The following GAA variants were observed in gnomAD, a reference collection of about 807,000 sequenced individuals.
GAA encodes alpha glucosidase.
Under a neutral mutation model 103.9 loss-of-function variants are expected in GAA, and 88 were observed. The ratio of observed to expected loss-of-function variants is 0.85; its 90% CI spans 0.71 to 1.01. The LOEUF (loss-of-function observed/expected upper bound fraction) is 1.01, where lower values mean the gene tolerates loss of function less well. GAA is among the 50% of genes least tolerant of loss of function. The pLI is 0.00. For synonymous variants in GAA, 572 were observed against 563.1 expected, an observed-to-expected ratio of 1.02 and a Z score of -0.22; for missense variants, 1,350 against 1,305.3, an observed-to-expected ratio of 1.03 and a Z score of -0.53.
chr17:80,118,274 G>A lies in GAA; in HGVS notation c.2563G>A (p.Gly855Arg), dbSNP rs1341804179. ...VALTKGGEAR[G>R]ELFWDDGESL... The stretch of plus-strand genomic sequence containing the variant: ...CCTGACCAAGGGTGGGGAGGCCCGA[G>A]GGGAGCTGTTCTGGGACGATGGAGA... The change falls in exon 18 of 20, where the codon GGG becomes AGG. Residue 855 changes from glycine to arginine, a missense_variant. Physicochemically the swap from Gly to Arg is moderately radical, Grantham distance 125. Transcript: ENST00000302262. 1 of 1,608,516 alleles carries A rather than the reference G, an allele frequency of 6.2e-7. No homozygotes were observed. Among genetic ancestry groups the A allele is most frequent in the Non-Finnish European group, 8.5e-7 (1 of 1,177,020 alleles).
At chr17:80,109,241 G>T (rs975522569) in intron 8 of GAA, among the ~76,000 whole-genome samples, 3 of 152,152 alleles carry the variant, frequency 2.0e-5, no homozygotes, top group Admixed American at 2.0e-4. Flanking sequence ...TGGAAAGGAC[G>T]GCGTGAGTGA....
At position 80,108,605 on chromosome 17, in the gene GAA, CT is replaced by C. The variant is rs1057517286; in HGVS notation, c.1193del (p.Leu398ArgfsTer42). ...VENMTRAHFPLDVQWNDLDYM... is the reference protein window; with the variant it reads ...VENMTRAHFPXDVQWNDLDYM... ...GAACATGACCAGGGCCCACTTCCCC[CT>C]GGTGAGTTGGGGTGGTGGCAGGGGA... On this transcript the variant is annotated frameshift_variant and splice_region_variant, in exon 7 of 20. Coordinates refer to ENST00000302262, the MANE Select transcript of GAA (RefSeq NM_000152.5). LOFTEE classifies it high-confidence loss of function. 6.2e-7 allele frequency: 1 copy of C among 1,612,834 alleles called. No homozygotes were observed. The highest frequency in any genetic ancestry group is 8.5e-7 in the Non-Finnish European group (1 of 1,179,926).
Position 80,112,896 on chromosome 17 carries a change from C to A in GAA, c.1909C>A (p.Leu637Met), listed in dbSNP as rs763301606. 9 of 1,610,100 alleles carry A rather than the reference C, an allele frequency of 5.6e-6. No individual in the cohort carries two copies. The Admixed American group carries it at 1.5e-4, about 27-fold the overall frequency. The change falls in exon 14 of 20, where the codon CTG (leucine) becomes ATG (methionine). Residue 637 changes from leucine to methionine, a missense_variant. Transcript: ENST00000302262. ...CCCAGAAATCCTGCAGTTTAACCTG[C>A]TGGGGGTGCCTCTGGTCGGGGCCGA... ...SVPEILQFNL[L>M]GVPLVGADVC...
chr17:80,105,438 C>A (rs2143831830), intron 2 of GAA, among the ~76,000 whole-genome samples: 1 of 152,292 alleles, frequency 6.6e-6, no homozygotes, highest in East Asian at 1.9e-4. Context: ...TTGCAGATAC[C>A]CCAGGCATGA....
Position 80,113,331 on chromosome 17 carries a change from C to G in GAA, c.2154C>G (p.Val718=), listed in dbSNP as rs1800311. The change falls in exon 15 of 20, where the codon GTC becomes GTG. Residue 718 remains valine (V), a synonymous_variant. Coordinates refer to ENST00000302262, the MANE Select transcript of GAA (RefSeq NM_000152.5). ...ACACACTGTTCCACCAGGCCCACGT[C>G]GCGGGGGAGACCGTGGCCCGGCCCC... ...HLYTLFHQAH[V]AGETVARPLF... is the part of the protein sequence containing the mutation. 5 of 1,595,560 alleles carry G rather than the reference C, an allele frequency of 3.1e-6. No homozygotes were observed. The highest frequency in any genetic ancestry group is 3.3e-4 in the Middle Eastern group (2 of 6,054).
At chr17:80,117,859 C>A in intron 17 of GAA, 110 bp downstream of exon 17, 1 of 1,141,614 alleles carries the variant, frequency 8.8e-7, no homozygotes, top group Non-Finnish European at 1.2e-6. Context: ...TGAGGGGCCG[C>A]CCCCCGCAGT....
At position 80,112,072 on chromosome 17, in the gene GAA, G is replaced by A. The variant is rs1800307; in HGVS notation, c.1726G>A (p.Gly576Ser). 8.3e-3 allele frequency: 13,467 copies of A among 1,613,972 alleles called. 806 individuals carry two copies. In the East Asian group the frequency reaches 0.17, roughly 20 times the overall value. Residue 576 changes from glycine (G) to serine (S), a missense_variant, in exon 12 of 20, where the codon GGC (glycine) becomes AGC (serine). Physicochemically the swap from Gly to Ser is moderately conservative, Grantham distance 56. Coordinates refer to ENST00000302262, the MANE Select transcript of GAA (RefSeq NM_000152.5). The part of the protein sequence containing the change: ...STHYNLHNLY[G>S]LTEAIASHRA... Reference sequence around the variant, plus strand: ...ACACTACAACCTGCACAACCTCTACGGCCTGACCGAAGCCATCGCCTCCCA... The same window carrying A: ...ACACTACAACCTGCACAACCTCTACAGCCTGACCGAAGCCATCGCCTCCCA...
Position 80,118,324 on chromosome 17 carries a change from G to A in GAA, c.2613G>A (p.Gly871=). ...DGESLEVLER[G]AYTQVIFLAR... is the part of the protein sequence containing the mutation. ...AGAGCCTGGAAGTGCTGGAGCGAGG[G>A]GCCTACACACAGGTCATCTTCCTGG... Residue 871 remains glycine, a synonymous_variant, in exon 18 of 20, where the codon GGG becomes GGA. Transcript: ENST00000302262. The A allele has an allele frequency of 1.3e-6, 2 of 1,578,468 alleles. No individual in the cohort carries two copies. The highest frequency in any genetic ancestry group is 2.2e-5 in the East Asian group (1 of 44,470).
chr17:80,103,701 C>G (rs1330735690), intron 1 of GAA, among the ~76,000 whole-genome samples: 2 of 152,138 alleles, frequency 1.3e-5, no homozygotes, highest in Non-Finnish European at 2.9e-5. Context: ...GCCACTGTTA[C>G]AGAGACTGTG....
rs184577831 is a variant in GAA at position 80,110,463 on chromosome 17, C to T, written c.1438-264C>T. Among the ~76,000 whole-genome samples the T allele has an allele frequency of 4.5e-4, 68 of 152,382 alleles. 2 individuals carry two copies. The highest frequency in any genetic ancestry group is 4.4e-3 in the Admixed American group (67 of 15,310). ...CTCCGCTGCCCTTCTCCCTGACGCT[C>T]TCTGGTTCTGCAGCCCAGCCCCTGG... On this transcript the variant is annotated intron_variant, in intron 9 of 19. Coordinates refer to ENST00000302262, the MANE Select transcript of GAA (RefSeq NM_000152.5).
intron 17 of GAA, 103 bp from the exon 18 acceptor site, chr17:80,118,090 T>C (rs2039398759): frequency 2.2e-6 from 3 of 1,336,786 alleles, no homozygotes; most frequent in Non-Finnish European, 2.1e-6. Context: ...AGATCCTAGT[T>C]ACTGGCAGCC....
At position 80,107,796 on chromosome 17, in the gene GAA, C is replaced by T. The variant is rs749017942; in HGVS notation, c.859-4C>T. ...GCTGAAGCGCCGTCTCCTGCATGTC[C>T]CAGCCCGGTGCGAACCTCTACGGGT... On this transcript the variant is annotated splice_region_variant and splice_polypyrimidine_tract_variant and intron_variant, in intron 4 of 19. Transcript: ENST00000302262. 2 of 1,611,318 alleles carry T rather than the reference C, an allele frequency of 1.2e-6. No homozygotes were observed. Among genetic ancestry groups the T allele is most frequent in the East Asian group, 2.2e-5 (1 of 44,806 alleles).
chr17:80,118,432 T>TG, intron 18 of GAA, 75 bp downstream of exon 18: 1 of 1,533,424 alleles, frequency 6.5e-7, no homozygotes, highest in Non-Finnish European at 8.9e-7. Context: ...GACCTGGGCT[T>TG]GGGGGTCCCA....
At position 80,104,537 on chromosome 17, in the gene GAA, C is replaced by T. The variant is rs771367579; in HGVS notation, c.-32-18C>T. ...GCCCCTCCCGCCTCCCTGCTGAGCC[C>T]GCTTTCTTCTCCCGCAGGCCTGTAG... On this transcript the variant is annotated intron_variant, in intron 1 of 19. Transcript: ENST00000302262. This position sits in a 1 kb window ranked among gnomAD's most constrained non-coding sequence, Gnocchi z 4.0. 9.0e-6 allele frequency: 14 copies of T among 1,555,046 alleles called. No individual in the cohort carries two copies. The South Asian group carries it at 1.2e-4, about 13-fold the overall frequency.
chr17:80,112,461 TC>T, intron 12 of GAA, 116 bp from the exon 13 acceptor site: 1 of 1,329,516 alleles, frequency 7.5e-7, no homozygotes, highest in Non-Finnish European at 1.1e-6. Context: ...GCCGTCCTCC[TC>T]CCCAGCCTCT....
chr17:80,104,737 G>A lies in GAA; in HGVS notation c.151G>A (p.Glu51Lys), dbSNP rs2039030436. The change falls in exon 2 of 20, where the codon GAG (glutamate) becomes AAG (lysine). Residue 51 changes from glutamate to lysine, a missense_variant. Transcript: ENST00000302262. The surrounding 1 kb of genome is among the most constrained non-coding windows in gnomAD (Gnocchi z 4.0). ...GAGTGGCTCCTCCCCAGTCCTGGAGGAGACTCACCCAGCTCACCAGCAGGG... is the reference window on the plus strand; with the variant it reads ...GAGTGGCTCCTCCCCAGTCCTGGAGAAGACTCACCCAGCTCACCAGCAGGG... ...ELSGSSPVLE[E>K]THPAHQQGAS... 1 of 1,611,628 alleles carries A rather than the reference G, an allele frequency of 6.2e-7. No homozygotes were observed. Among genetic ancestry groups the A allele is most frequent in the African/African-American group, 1.3e-5 (1 of 74,898 alleles).
In GAA at chr17:80,104,231, T is replaced by C. The variant is rs1157093533; in HGVS notation, c.-32-324T>C. Among the ~76,000 whole-genome samples, 3 of 152,200 alleles carry C rather than the reference T, an allele frequency of 2.0e-5. No homozygotes were observed. ...GTGAGCCAGGATCTCACCACAGCACTCTGGCCCAGGCGACAGCTGTTTGGC... is the reference window on the plus strand; with the variant it reads ...GTGAGCCAGGATCTCACCACAGCACCCTGGCCCAGGCGACAGCTGTTTGGC... On this transcript the variant is annotated intron_variant, in intron 1 of 19. Transcript: ENST00000302262. This position sits in a 1 kb window ranked among gnomAD's most constrained non-coding sequence, Gnocchi z 4.0.
At chr17:80,113,828 G>A (rs1218004212) in intron 15 of GAA, among the ~76,000 whole-genome samples, 1 of 148,904 alleles carries the variant, frequency 6.7e-6, no homozygotes, top group East Asian at 2.2e-4. Context: ...AGGCCAGCCT[G>A]GCCAACATGG....
intron 10 of GAA, 35 bp downstream of exon 10, chr17:80,110,875 C>G: frequency 1.2e-6 from 2 of 1,613,242 alleles, no homozygotes; most frequent in Non-Finnish European, 1.7e-6. Flanking sequence ...TCCCCAAGGC[C>G]TCTGGGGACT....
Sources: gnomAD v4.1 joint callset for allele counts (sites outside exome capture counted in the v4.1 genomes callset) on GRCh38, gnomAD v4.1.1 for gene constraint, Gnocchi (gnomAD v3.1) non-coding constraint, MANE v1.5 for transcripts, NCBI Gene and HGNC (gene_info 2026-07-23, HGNC 2026-07-21) for gene names.